The following CFAP221 variants were observed in gnomAD, a reference collection of about 807,000 sequenced individuals.
CFAP221 encodes the protein cilia- and flagella-associated protein 221.
A neutral mutation model predicts 113.1 loss-of-function variants in CFAP221; 97 were observed. The observed-to-expected ratio is 0.86, with a 90% CI of 0.73 to 1.02. CFAP221 has a LOEUF of 1.02. Ranked by LOEUF, CFAP221 falls within the 50% of genes least tolerant of loss-of-function variation. The pLI, the probability that CFAP221 is intolerant of heterozygous loss-of-function variation, is 0.00. For missense variants in CFAP221, 1,025 were observed against 1,013.4 expected (o/e 1.01, Z -0.16); for synonymous variants, 331 against 354.4 (o/e 0.93, Z 0.74).
chr2:119,645,522 A>G (rs1227729623), intron 21 of CFAP221, among the ~76,000 whole-genome samples: 1 of 151,108 alleles, frequency 6.6e-6, no homozygotes, highest in Non-Finnish European at 1.5e-5. Context: ...CCAGAAAGTC[A>G]TTCTATATCA....
At position 119,615,666 on chromosome 2, in the gene CFAP221, G is replaced by A; in HGVS notation, c.1367G>A (p.Ser456Asn). Residue 456 changes from serine to asparagine, a missense_variant, in exon 14 of 24, where the codon AGC (serine) becomes AAC (asparagine). Coordinates refer to ENST00000413369, the MANE Select transcript of CFAP221 (RefSeq NM_001271049.2). ...CCACTCATTAATAACACTTGGCTCA[G>A]CAGGTCCAGGGCACAAAAACGGTTT... is the stretch of plus-strand genomic sequence containing the variant. ...FDPLINNTWL[S>N]RSRAQKRFQQ... 6.2e-7 allele frequency: 1 copy of A among 1,613,138 alleles called. No individual in the cohort carries two copies. Among genetic ancestry groups the A allele is most frequent in the Non-Finnish European group, 8.5e-7 (1 of 1,179,622 alleles).
At chr2:119,630,076 T>A in intron 17 of CFAP221, 121 bp downstream of exon 17, 2 of 831,780 alleles carry the variant, frequency 2.4e-6, no homozygotes, top group Non-Finnish European at 1.9e-6. Flanking sequence ...TGTGGCACAC[T>A]CTACTGTTTT....
At chr2:119,613,707 G>A (rs1685334209) in intron 13 of CFAP221, among the ~76,000 whole-genome samples, 1 of 152,208 alleles carries the variant, frequency 6.6e-6, no homozygotes, top group African/African-American at 2.4e-5. Context: ...GACCTGTGAT[G>A]GGAGGGGCTG....
chr2:119,609,680 G>A (rs373563654), intron 12 of CFAP221, among the ~76,000 whole-genome samples: 2 of 152,158 alleles, frequency 1.3e-5, no homozygotes, highest in Non-Finnish European at 2.9e-5. Flanking sequence ...CTGAGTTCTA[G>A]GGGTTAAGGC....
intron 6 of CFAP221, among the ~76,000 whole-genome samples, chr2:119,578,226 A>G (rs1229234796): frequency 1.3e-5 from 2 of 152,236 alleles, no homozygotes; most frequent in African/African-American, 4.8e-5. Context: ...GTACAGCATC[A>G]TTTCCACTGT....
At chr2:119,654,441 A>G (rs948711700) in intron 23 of CFAP221, among the ~76,000 whole-genome samples, 1 of 152,092 alleles carries the variant, frequency 6.6e-6, no homozygotes, top group African/African-American at 2.4e-5. Flanking sequence ...ACCTCTGGAC[A>G]TAGAATGGCT....
intron 13 of CFAP221, among the ~76,000 whole-genome samples, chr2:119,614,392 A>G (rs1046380516): frequency 2.0e-5 from 3 of 152,210 alleles, no homozygotes; most frequent in Admixed American, 1.3e-4. Flanking sequence ...TCACTCTGCT[A>G]TGAAGAAATA....
At chr2:119,550,001 C>T (rs1279807896) in intron 3 of CFAP221, among the ~76,000 whole-genome samples, 1 of 152,220 alleles carries the variant, frequency 6.6e-6, no homozygotes, top group Admixed American at 6.5e-5. Context: ...TGAACAACCT[C>T]AGTGACTTCA....
At chr2:119,617,995 C>T (rs183295834) in intron 14 of CFAP221, among the ~76,000 whole-genome samples, 1 of 152,232 alleles carries the variant, frequency 6.6e-6, no homozygotes, top group Admixed American at 6.5e-5. Flanking sequence ...TGCATCACAT[C>T]TCACCTCTGC....
At chr2:119,611,987 C>G (rs1685198918) in intron 13 of CFAP221, among the ~76,000 whole-genome samples, 1 of 152,210 alleles carries the variant, frequency 6.6e-6, no homozygotes, top group African/African-American at 2.4e-5. Context: ...ACTACTTTCT[C>G]ATTTTAGGTC....
In CFAP221 at chr2:119,588,572, T is replaced by C. The variant is rs369048734; in HGVS notation, c.631+1350T>C. 1.5e-4 allele frequency among the ~76,000 whole-genome samples: 23 copies of C among 152,254 alleles called. No individual in the cohort carries two copies. The East Asian group carries it at 2.5e-3, about 17-fold the overall frequency. Reference sequence around the variant, plus strand: ...ATTAAGCAGAATTGACTGACAACTATGTATGACACACTTAAAAAAATCATG... The same window carrying C: ...ATTAAGCAGAATTGACTGACAACTACGTATGACACACTTAAAAAAATCATG... On this transcript the variant is annotated intron_variant, in intron 7 of 23. Transcript: ENST00000413369.
chr2:119,604,718 G>T lies in CFAP221; in HGVS notation c.838G>T (p.Val280Phe). The change falls in exon 9 of 24, where the codon GTT (valine) becomes TTT (phenylalanine). Residue 280 changes from valine to phenylalanine, a missense_variant. Val to Phe is a conservative substitution (Grantham distance 50). Transcript: ENST00000413369. ...GAATACCCTTTCTAAGAAAGTAAAC[G>T]TTCCTCCAGAAAAAGCAATGATGCA... ...RLNTLSKKVN[V>F]PPEKAMMHIN... 6.4e-7 allele frequency: 1 copy of T among 1,551,438 alleles called. No individual in the cohort carries two copies. The highest frequency in any genetic ancestry group is 8.7e-7 in the Non-Finnish European group (1 of 1,154,202).
intron 16 of CFAP221, 100 bp downstream of exon 16, chr2:119,627,886 C>T: frequency 7.0e-7 from 1 of 1,434,412 alleles, no homozygotes; most frequent in Non-Finnish European, 9.5e-7. Flanking sequence ...CCTTCACCTC[C>T]TCCCAGAGGC....
intron 6 of CFAP221, 139 bp downstream of exon 6, chr2:119,562,253 CAAAA>C: frequency 1.8e-5 from 5 of 272,056 alleles, no homozygotes; most frequent in Admixed American, 6.0e-5. Context: ...TTGTAAAAGG[CAAAA>C]AAAAAAAAAG....
At chr2:119,659,514 A>G (rs758083799), downstream of CFAP221, among the ~76,000 whole-genome samples, 5 of 152,400 alleles carry the variant, frequency 3.3e-5, no homozygotes, top group East Asian at 3.9e-4. Flanking sequence ...CTCATTCCCA[A>G]TCCATCTCCA....
intron 16 of CFAP221, among the ~76,000 whole-genome samples, chr2:119,628,997 G>A (rs1340175759): frequency 6.6e-6 from 1 of 152,112 alleles, no homozygotes; most frequent in Admixed American, 6.5e-5. Flanking sequence ...GCTGCTCAGG[G>A]TTATTGAAAA....
intron 6 of CFAP221, 100 bp downstream of exon 6, chr2:119,562,214 C>A: frequency 1.5e-6 from 1 of 660,386 alleles, no homozygotes. Context: ...GAAGTTCATC[C>A]TTCCACCTGA....
At chr2:119,556,012 T>G (rs1680764707) in intron 3 of CFAP221, 2 of 152,352 alleles carry the variant, frequency 1.3e-5, no homozygotes, top group Admixed American at 1.3e-4. Context: ...TGCTATAATT[T>G]GTCATGTTTT....
intron 16 of CFAP221, among the ~76,000 whole-genome samples, chr2:119,629,659 C>G (rs968666267): frequency 6.6e-6 from 1 of 152,134 alleles, no homozygotes; most frequent in African/African-American, 2.4e-5. Flanking sequence ...TCCGCAACCA[C>G]AGAAAATAAG....
Sources: allele counts gnomAD v4.1 joint callset (sites outside exome capture counted in the v4.1 genomes callset), GRCh38; gene constraint gnomAD v4.1.1; transcripts MANE v1.5; gene names NCBI Gene and HGNC (gene_info 2026-07-23, HGNC 2026-07-21).